SLC35F4: variants seen among roughly 807,000 people sequenced by gnomAD.
SLC35F4 encodes chromosome 14 open reading frame 36.
Under a neutral mutation model 44.2 loss-of-function variants are expected in SLC35F4, and 24 were observed. That is an observed-to-expected ratio of 0.54 (90% CI 0.39 to 0.76). The LOEUF is 0.76. SLC35F4 is among the 30% of genes least tolerant of loss of function. The probability of loss-of-function intolerance (pLI) is 0.00; values close to 1 mark genes in which losing one functional copy is unlikely to be tolerated. For missense variants in SLC35F4, 562 were observed against 586.1 expected, an observed-to-expected ratio of 0.96 and a Z score of 0.42; for synonymous variants, 238 against 223.6, an observed-to-expected ratio of 1.06 and a Z score of -0.57.
chr14:57,824,138 C>T (rs1045281921), intron 1 of SLC35F4, among the ~76,000 whole-genome samples: 4 of 151,814 alleles, frequency 2.6e-5, no homozygotes, highest in Non-Finnish European at 5.9e-5. Context: ...ATTTATAATC[C>T]GTTGATCAAC....
rs377619019 is a variant in SLC35F4, at chr14:57,917,683, C to T, written n.282+64230G>A. ...TAGGTCTTTTTTTCATTTTCATTTTCATTTTTACTTCAATTTAAATTTTAG... is the reference window on the plus strand; with the variant it reads ...TAGGTCTTTTTTTCATTTTCATTTTTATTTTTACTTCAATTTAAATTTTAG... On this transcript the variant is annotated intron_variant and non_coding_transcript_variant, in intron 1 of 1. Transcript: ENST00000556568. 2.6e-4 allele frequency among the ~76,000 whole-genome samples: 39 copies of T among 152,066 alleles called. No homozygotes were observed. In the Middle Eastern group the frequency reaches 0.01, roughly 40 times the overall value.
intron 1 of SLC35F4, among the ~76,000 whole-genome samples, chr14:57,873,835 C>T (rs1485775107): frequency 2.0e-5 from 3 of 152,074 alleles, no homozygotes; most frequent in Non-Finnish European, 2.9e-5. Context: ...TGGAGTGTGC[C>T]GCCTGCCTGC....
upstream of SLC35F4, among the ~76,000 whole-genome samples, chr14:57,870,584 C>A (rs1021066411): frequency 1.3e-5 from 2 of 152,238 alleles, no homozygotes; most frequent in East Asian, 1.9e-4. Flanking sequence ...AGACATAGAA[C>A]GCTTTGAGCT....
intron 1 of SLC35F4, among the ~76,000 whole-genome samples, chr14:57,640,812 G>A (rs1441864868): frequency 6.6e-6 from 1 of 151,888 alleles, no homozygotes; most frequent in African/African-American, 2.4e-5. Context: ...CTTAAAGAAA[G>A]CCACTTGAGA....
At chr14:57,617,130 CTT>C (rs3054446) in intron 1 of SLC35F4, among the ~76,000 whole-genome samples, 3 of 99,258 alleles carry the variant, frequency 3.0e-5, no homozygotes, top group South Asian at 3.6e-4. Context: ...TGTACTTATT[CTT>C]TTTTTTTTTT....
intron 1 of SLC35F4, among the ~76,000 whole-genome samples, chr14:57,674,686 G>A (rs756458883): frequency 8.5e-5 from 13 of 152,066 alleles, no homozygotes; most frequent in African/African-American, 1.2e-4. Flanking sequence ...ACCTTTTTAT[G>A]GATGTTGGTA....
intron 1 of SLC35F4, among the ~76,000 whole-genome samples, chr14:57,788,009 T>C (rs2077811697): frequency 6.6e-6 from 1 of 152,110 alleles, no homozygotes; most frequent in African/African-American, 2.4e-5. Context: ...CAACCAACTA[T>C]CTGCTCCCTT....
intron 3 of SLC35F4, among the ~76,000 whole-genome samples, chr14:57,587,368 G>A (rs959079602): frequency 2.6e-5 from 4 of 152,116 alleles, no homozygotes; most frequent in East Asian, 3.9e-4. Context: ...GACTTGGAAC[G>A]AACCCAAATG....
chr14:57,916,192 G>A (rs1238079343), intron 1 of SLC35F4, among the ~76,000 whole-genome samples: 1 of 152,096 alleles, frequency 6.6e-6, no homozygotes, highest in Non-Finnish European at 1.5e-5. Flanking sequence ...AAAGGGGGCT[G>A]AACTCATTTT....
chr14:57,952,340 C>T (rs1890156885), intron 1 of SLC35F4, among the ~76,000 whole-genome samples: 1 of 152,118 alleles, frequency 6.6e-6, no homozygotes, highest in African/African-American at 2.4e-5. Context: ...AAAAACAGCA[C>T]AAAAAGGCTG....
intron 1 of SLC35F4, among the ~76,000 whole-genome samples, chr14:57,766,601 ACAGT>A (rs1474582220): frequency 6.6e-6 from 1 of 152,214 alleles, no homozygotes; most frequent in African/African-American, 2.4e-5. Context: ...ACAGTGTATG[ACAGT>A]CAGGTGCCTG....
intron 1 of SLC35F4, among the ~76,000 whole-genome samples, chr14:57,606,935 T>G (rs1672841733): frequency 6.6e-6 from 1 of 152,232 alleles, no homozygotes; most frequent in Admixed American, 6.5e-5. Flanking sequence ...TATGGATGCC[T>G]ACTGTGTGCC....
At chr14:57,619,802 T>G (rs2072073370) in intron 1 of SLC35F4, among the ~76,000 whole-genome samples, 1 of 151,930 alleles carries the variant, frequency 6.6e-6, no homozygotes, top group Non-Finnish European at 1.5e-5. Context: ...TGAAAAAAGG[T>G]TAGGCAAATT....
chr14:57,853,927 T>C (rs1378435067), intron 1 of SLC35F4, among the ~76,000 whole-genome samples: 1 of 152,188 alleles, frequency 6.6e-6, no homozygotes, highest in Non-Finnish European at 1.5e-5. Context: ...AAGTGGAGTC[T>C]TGTGACTAGA....
chr14:57,613,384 G>T (rs539864174), intron 1 of SLC35F4, among the ~76,000 whole-genome samples: 1 of 152,194 alleles, frequency 6.6e-6, no homozygotes, highest in African/African-American at 2.4e-5. Flanking sequence ...CAAAAGGAGA[G>T]CCTGTCATAC....
chr14:57,661,416 C>A (rs994462787), intron 1 of SLC35F4, among the ~76,000 whole-genome samples: 1 of 152,168 alleles, frequency 6.6e-6, no homozygotes, highest in African/African-American at 2.4e-5. Flanking sequence ...ACATATTTAT[C>A]TGAATATTTT....
Position 57,615,904 on chromosome 14 carries a change from C to T in SLC35F4, c.104-21780G>A, listed in dbSNP as rs554174234. ...ATACCAAATATTAGGATTCCTAGGG[C>T]TCAGTAGCTGGTTTAACTACTACTA... On this transcript the variant is annotated intron_variant, in intron 1 of 7. Transcript: ENST00000556826. Among the ~76,000 whole-genome samples the T allele has an allele frequency of 1.9e-4, 29 of 152,288 alleles. 1 individual carries two copies. In the East Asian group the frequency reaches 4.8e-3, roughly 25 times the overall value.
In SLC35F4 at chr14:57,593,975, C is replaced by T; in HGVS notation, c.253G>A (p.Val85Ile). ...LELQNQGSSG[V>I]CGHRVERQNR... ...TGTCTCTCAACTCTGTGTCCACAAA[C>T]TCCTGAGGATCCTTGGTTTTGAAGT... Residue 85 changes from valine (V) to isoleucine (I), a missense_variant, in exon 2 of 8, where the codon GTT becomes ATT. Transcript: ENST00000556826. 6.2e-7 allele frequency: 1 copy of T among 1,613,928 alleles called. No homozygotes were observed. The highest frequency in any genetic ancestry group is 8.5e-7 in the Non-Finnish European group (1 of 1,179,862).
chr14:57,771,930 T>C (rs1008377416), intron 1 of SLC35F4, among the ~76,000 whole-genome samples: 2 of 152,214 alleles, frequency 1.3e-5, no homozygotes, highest in African/African-American at 4.8e-5. Flanking sequence ...CTATCTTTTG[T>C]AGATAAGGGT....
Sources: allele counts gnomAD v4.1 joint callset (sites outside exome capture counted in the v4.1 genomes callset), GRCh38; gene constraint gnomAD v4.1.1; transcripts MANE v1.5; gene names NCBI Gene and HGNC (gene_info 2026-07-23, HGNC 2026-07-21).